Variants in HNRNPDL observed in about 807,000 individuals in gnomAD.
HNRNPDL encodes heterogeneous nuclear ribonucleoprotein D like, also known as heterogeneous nuclear ribonucleoprotein D-like.
HNRNPDL carries 18 observed loss-of-function variants against 48.0 expected under a neutral mutation model. The observed-to-expected ratio is 0.38, with a 90% CI of 0.26 to 0.56. The LOEUF is 0.56. Among genes scored for constraint, HNRNPDL ranks in the 20% least tolerant of loss-of-function variants. The pLI, the probability that HNRNPDL is intolerant of heterozygous loss-of-function variation, is 0.77. For synonymous variants in HNRNPDL, 306 were observed against 207.3 expected (o/e 1.48, Z -4.09); for missense variants, 553 against 540.7 (o/e 1.02, Z -0.23).
rs1721653351 is a variant in HNRNPDL, at chr4:82,430,003, CGGCGCTGGCGACTGA to C, written c.-328_-314del. 1 of 180,040 alleles carries C rather than the reference CGGCGCTGGCGACTGA, an allele frequency of 5.6e-6. No individual in the cohort carries two copies. The highest frequency in any genetic ancestry group is 6.3e-5 in the Admixed American group (1 of 15,876). The allele number at this position is 180,040 out of a possible 1,614,324, so 11.2% of individuals were successfully genotyped here. The stretch of plus-strand genomic sequence containing the variant: ...GCTCCGGAAAAAGGCGGACTGCGCC[CGGCGCTGGCGACTGA>C]GGCGGCGAGCGCGCTCGCCCGCCGC... On this transcript the variant is annotated 5_prime_UTR_variant, in exon 1 of 8. Transcript: ENST00000295470.
rs1350617306 is a variant in HNRNPDL at position 82,424,780 on chromosome 4, G to T, written c.*126C>A. ...CAGCTATATACAGTTGGACACAATG[G>T]TGTCTTGTACACTAGAAAGTCTTTT... On this transcript the variant is annotated 3_prime_UTR_variant, in exon 8 of 8. Transcript: ENST00000295470. The T allele has an allele frequency of 6.6e-6, 1 of 152,292 alleles. No individual in the cohort carries two copies. Among genetic ancestry groups the T allele is most frequent in the Non-Finnish European group, 1.5e-5 (1 of 68,028 alleles). The allele number at this position is 152,292 out of a possible 1,614,324, so 9.4% of individuals were successfully genotyped here.
intron 4 of HNRNPDL, 30 bp downstream of exon 4, chr4:82,427,403 T>C: frequency 6.4e-7 from 1 of 1,557,678 alleles, no homozygotes; most frequent in Non-Finnish European, 8.7e-7. Flanking sequence ...ATTATTTAAA[T>C]TTTCATTTAA....
Position 82,429,306 on chromosome 4 carries a change from T to C in HNRNPDL, c.385A>G (p.Ile129Val), listed in dbSNP as rs1468656233. The C allele has an allele frequency of 7.4e-6, 12 of 1,613,840 alleles. No individual in the cohort carries two copies. The highest frequency in any genetic ancestry group is 3.3e-5 in the Admixed American group (2 of 60,026). Reference protein sequence around the residue: ...TMEDMNEYSNIEEFAEGSKIN... With the variant: ...TMEDMNEYSNVEEFAEGSKIN... ...TTGGATCCCTCTGCGAATTCCTCTA[T>C]ATTGCTGTACTCGTTCATATCCTCC... The change falls in exon 1 of 8, where the codon ATA becomes GTA. Residue 129 changes from isoleucine (I) to valine (V), a missense_variant. Physicochemically the swap from Ile to Val is conservative, Grantham distance 29. Transcript: ENST00000295470.
At position 82,427,197 on chromosome 4, in the gene HNRNPDL, A is replaced by ACGACCCCTCGTACCACCT; in HGVS notation, c.996_1013dup (p.Gly334_Gly339dup). The ACGACCCCTCGTACCACCT allele has an allele frequency of 6.2e-7, 1 of 1,609,702 alleles. No homozygotes were observed. The highest frequency in any genetic ancestry group is 8.5e-7 in the Non-Finnish European group (1 of 1,176,210). On this transcript the variant is annotated inframe_insertion, in exon 5 of 8. Transcript: ENST00000295470. The stretch of plus-strand genomic sequence containing the variant: ...TCAAGAATTAAGTCTCACCTCGGCC[A>ACGACCCCTCGTACCACCT]CGACCCCTCGTACCACCTCGTCCAC...
chr4:82,423,879 G>A lies in HNRNPDL; in HGVS notation c.*1027C>T, dbSNP rs969403808. 2 of 152,094 alleles carry A rather than the reference G, an allele frequency of 1.3e-5. No individual in the cohort carries two copies. The highest frequency in any genetic ancestry group is 3.9e-4 in the East Asian group (2 of 5,192). 9.4% of individuals were successfully genotyped at this position (152,094 alleles called of 1,614,324 possible). ...GAATATGTAAATATTTAACTACTTA[G>A]TTCATGCACTGTGTCAAAAACTAGA... On this transcript the variant is annotated 3_prime_UTR_variant, in exon 8 of 8. Coordinates refer to ENST00000295470, the MANE Select transcript of HNRNPDL (RefSeq NM_031372.4).
In HNRNPDL at chr4:82,426,636, G is replaced by A; in HGVS notation, c.1022-3C>T. 6.2e-7 allele frequency: 1 copy of A among 1,612,726 alleles called. No homozygotes were observed. The highest frequency in any genetic ancestry group is 8.5e-7 in the Non-Finnish European group (1 of 1,179,128). On this transcript the variant is annotated splice_region_variant and splice_polypyrimidine_tract_variant and intron_variant, in intron 5 of 7. Transcript: ENST00000295470. ...TTGGTTCCAGTTTTGGCCCTGACCT[G>A]AAACAATGCACAATGATTGTTAGGA...
At position 82,426,506 on chromosome 4, in the gene HNRNPDL, G is replaced by C; in HGVS notation, c.1149C>G (p.Asn383Lys). ...CCTGTCCATATCCATAGTTCCCATA[G>C]TTATACCCAGTATAATCATATCCGC... Reference protein sequence around the residue: ...GYGGYDYTGYNYGNYGYGQGY... With the variant: ...GYGGYDYTGYKYGNYGYGQGY... Residue 383 changes from asparagine to lysine, a missense_variant, in exon 6 of 8, where the codon AAC (asparagine) becomes AAG (lysine). By Grantham distance (94) the Asn-to-Lys change is moderately conservative (BLOSUM62 0). This residue lies in a region of HNRNPDL where 174 missense variants were observed against 204.6 expected (regional missense o/e 0.85). Coordinates refer to ENST00000295470, the MANE Select transcript of HNRNPDL (RefSeq NM_031372.4). 1 of 1,612,598 alleles carries C rather than the reference G, an allele frequency of 6.2e-7. No homozygotes were observed. The highest frequency in any genetic ancestry group is 8.5e-7 in the Non-Finnish European group (1 of 1,178,846).
Position 82,429,582 on chromosome 4 carries a change from G to A in HNRNPDL, c.109C>T (p.Gln37Ter). The change falls in exon 1 of 8, where the codon CAG becomes TAG. Residue 37 changes from glutamine (Q) to a stop codon, truncating the protein, a stop_gained. Coordinates refer to ENST00000295470, the MANE Select transcript of HNRNPDL (RefSeq NM_031372.4). LOFTEE classifies it high-confidence loss of function. ...LSHWRPRPPR[Q>*]LAPLLPSLAP... is the part of the protein sequence containing the mutation. ...AGCGAAGGGAGGAGCGGGGCTAGCT[G>A]CCGCGGCGGCCGCGGCCGCCAATGG... 7.2e-7 allele frequency: 1 copy of A among 1,381,524 alleles called. No individual in the cohort carries two copies. The allele number at this position is 1,381,524 out of a possible 1,614,324, so 85.6% of individuals were successfully genotyped here.
chr4:82,427,239 T>C lies in HNRNPDL; in HGVS notation c.972A>G (p.Gly324=). ...YRQQQQQQKG[G]RGAAAGGRGG... ...CTCGTCCACCAGCTGCAGCACCTCT[T>C]CCACCTTTTTGTTGTTGCTGTTGCT... The change falls in exon 5 of 8, where the codon GGA becomes GGG. Residue 324 remains glycine (G), a synonymous_variant. Transcript: ENST00000295470. 6.2e-7 allele frequency: 1 copy of C among 1,614,082 alleles called. No individual in the cohort carries two copies. Among genetic ancestry groups the C allele is most frequent in the South Asian group, 1.1e-5 (1 of 91,060 alleles).
intron 5 of HNRNPDL, 125 bp downstream of exon 5, chr4:82,427,065 G>C (rs571788292): frequency 4.0e-5 from 31 of 772,818 alleles, no homozygotes; most frequent in Non-Finnish European, 6.6e-5. Flanking sequence ...CCACTAAGCT[G>C]AACAGTCCCC....
Position 82,429,545 on chromosome 4 carries a change from G to C in HNRNPDL, c.146C>G (p.Ser49Cys). The C allele has an allele frequency of 6.8e-7, 1 of 1,460,622 alleles. No individual in the cohort carries two copies. The allele number at this position is 1,460,622 out of a possible 1,614,324, so 90.5% of individuals were successfully genotyped here. A position where few individuals can be genotyped will look rare whatever the true frequency, so the allele number is the denominator to read the frequency against. The change falls in exon 1 of 8, where the codon TCC (serine) becomes TGC (cysteine). Residue 49 changes from serine (S) to cysteine (C), a missense_variant. Ser to Cys is a moderately radical substitution (Grantham distance 112, BLOSUM62 -1). Around this residue, in one of 4 missense-constraint regions of HNRNPDL, gnomAD observed 327 missense variants for 203.2 expected, o/e 1.61. Coordinates refer to ENST00000295470, the MANE Select transcript of HNRNPDL (RefSeq NM_031372.4). ...GGCCCGGCGCGCCCCCTGCCGGGCG[G>C]AGCTGGGAGCGAGCGAAGGGAGGAG... ...APLLPSLAPS[S>C]ARQGARRAQR...
chr4:82,427,978 A>G, intron 3 of HNRNPDL, 40 bp downstream of exon 3: 1 of 1,580,566 alleles, frequency 6.3e-7, no homozygotes, highest in Non-Finnish European at 8.7e-7. Context: ...AACATTTTAT[A>G]AACACATCAA....
chr4:82,428,796 C>G (rs1432711157), intron 1 of HNRNPDL, among the ~76,000 whole-genome samples: 2 of 152,236 alleles, frequency 1.3e-5, no homozygotes, highest in African/African-American at 4.8e-5. Flanking sequence ...GTCAAGCCAA[C>G]GTTCCACCCA....
intron 1 of HNRNPDL, 55 bp from the exon 2 acceptor site, chr4:82,428,501 G>T: frequency 7.4e-7 from 1 of 1,357,590 alleles, no homozygotes; most frequent in Non-Finnish European, 1.0e-6. Context: ...TGATCCTTCA[G>T]TTCTGGAATT....
intron 4 of HNRNPDL, 29 bp from the exon 5 acceptor site, chr4:82,427,333 T>C: frequency 6.5e-7 from 1 of 1,545,164 alleles, no homozygotes; most frequent in East Asian, 2.3e-5. Context: ...AAAGTATAAT[T>C]TTTACCGAAG....
chr4:82,429,610 G>A lies in HNRNPDL; in HGVS notation c.81C>T (p.Leu27=), dbSNP rs61737724. 37,458 of 1,379,782 alleles carry A rather than the reference G, an allele frequency of 0.027. 552 individuals are homozygous for A. The highest frequency in any genetic ancestry group is 0.036 in the Middle Eastern group (143 of 3,926). 85.5% of individuals were successfully genotyped at this position (1,379,782 alleles called of 1,614,324 possible). Residue 27 remains leucine, a synonymous_variant, in exon 1 of 8, where the codon CTC becomes CTT. Transcript: ENST00000295470. ...SAPATLASRS[L]SHWRPRPPRQ... ...GCGGCGGCCGCGGCCGCCAATGGGA[G>A]AGGCTGCGGGAGGCTAAAGTAGCGG...
chr4:82,426,699 C>T (rs1367193989), intron 5 of HNRNPDL, 66 bp from the exon 6 acceptor site: 11 of 1,306,098 alleles, frequency 8.4e-6, no homozygotes, highest in Middle Eastern at 2.2e-4. Flanking sequence ...TAAAATGATG[C>T]GTTCTTGTCT....
In HNRNPDL at chr4:82,429,696, C is replaced by G; in HGVS notation, c.-6G>C. 1 of 1,350,146 alleles carries G rather than the reference C, an allele frequency of 7.4e-7. No individual in the cohort carries two copies. The highest frequency in any genetic ancestry group is 1.9e-5 in the South Asian group (1 of 51,742). 83.6% of individuals were successfully genotyped at this position (1,350,146 alleles called of 1,614,324 possible). A position where few individuals can be genotyped will look rare whatever the true frequency, so the allele number is the denominator to read the frequency against. On this transcript the variant is annotated 5_prime_UTR_variant, in exon 1 of 8. Transcript: ENST00000295470. ...AGCCTGGGCGGGACCTCCATCGCGGCCCTCCCGGCAAGGAGAGAGGCCACG... is the reference window on the plus strand; with the variant it reads ...AGCCTGGGCGGGACCTCCATCGCGGGCCTCCCGGCAAGGAGAGAGGCCACG...
chr4:82,428,356 T>C lies in HNRNPDL; in HGVS notation c.534A>G (p.Thr178=). The C allele has an allele frequency of 6.2e-7, 1 of 1,614,088 alleles. No homozygotes were observed. The highest frequency in any genetic ancestry group is 8.5e-7 in the Non-Finnish European group (1 of 1,179,926). ...TCCCAGTGACTGGATCTGTTTTAAT[T>C]GTGCAGTCTACAACTTCCCCAAATC... ...LSRFGEVVDC[T]IKTDPVTGRS... The change falls in exon 2 of 8, where the codon ACA becomes ACG. Residue 178 remains threonine (T), a synonymous_variant. Coordinates refer to ENST00000295470, the MANE Select transcript of HNRNPDL (RefSeq NM_031372.4).
Sources: allele counts gnomAD v4.1 joint callset (sites outside exome capture counted in the v4.1 genomes callset), GRCh38; gene constraint gnomAD v4.1.1; regional missense constraint gnomAD v4.1.1; transcripts MANE v1.5; gene names NCBI Gene and HGNC (gene_info 2026-07-23, HGNC 2026-07-21).